The following ZNF566 variants were observed in gnomAD, a reference collection of about 807,000 sequenced individuals.
The protein encoded by ZNF566 is zinc finger protein 566.
Under a neutral mutation model 32.8 loss-of-function variants are expected in ZNF566, and 27 were observed. That is an observed-to-expected ratio of 0.82 (90% confidence interval 0.61 to 1.14). ZNF566 has a LOEUF of 1.14. ZNF566 is among the 50% of genes most tolerant of loss of function. ZNF566 has a pLI of 0.00. For synonymous variants in ZNF566, 154 were observed against 159.5 expected (o/e 0.97, Z 0.26); for missense variants, 402 against 490.4 (o/e 0.82, Z 1.70).
At chr19:36,455,443 T>C (rs2033276591) in intron 4 of ZNF566, among the ~76,000 whole-genome samples, 1 of 152,148 alleles carries the variant, frequency 6.6e-6, no homozygotes. Context: ...CTGTTAGAAG[T>C]AATAAATGTT....
At chr19:36,453,472 C>CAAATAAAT (rs918177874) in intron 4 of ZNF566, among the ~76,000 whole-genome samples, 4 of 143,090 alleles carry the variant, frequency 2.8e-5, no homozygotes, top group Admixed American at 7.2e-5. Context: ...GACTCTATCT[C>CAAATAAAT]AAATAAATAA....
At chr19:36,462,990 A>AAAAAAAAAAAAC (rs2033514622) in intron 4 of ZNF566, among the ~76,000 whole-genome samples, 1 of 137,036 alleles carries the variant, frequency 7.3e-6, no homozygotes, top group Non-Finnish European at 1.6e-5. Context: ...AAAAAAAAAA[A>AAAAAAAAAAAAC]TCCCATTTCC....
In ZNF566 at chr19:36,465,632, C is replaced by T. The variant is rs781666262; in HGVS notation, c.232+7279G>A. On this transcript the variant is annotated intron_variant, in intron 4 of 4. Transcript: ENST00000452939. Reference sequence around the variant, plus strand: ...GACTACAGGTGCCCGCCACCATGCCCGGCCAATTTTTTTTGTATTTTTAGT... The same window carrying T: ...GACTACAGGTGCCCGCCACCATGCCTGGCCAATTTTTTTTGTATTTTTAGT... Among the ~76,000 whole-genome samples the T allele has an allele frequency of 1.7e-4, 26 of 152,004 alleles. 1 individual carries two copies. The highest frequency in any genetic ancestry group is 3.4e-3 in the Middle Eastern group (1 of 292).
chr19:36,467,078 A>G (rs961251600), intron 4 of ZNF566, among the ~76,000 whole-genome samples: 8 of 151,208 alleles, frequency 5.3e-5, no homozygotes, highest in Non-Finnish European at 7.4e-5. Context: ...AAAAAAAAAA[A>G]AAAGAAAGAA....
intron 4 of ZNF566, among the ~76,000 whole-genome samples, chr19:36,454,572 C>A (rs1161331374): frequency 6.6e-6 from 1 of 151,878 alleles, no homozygotes; most frequent in East Asian, 1.9e-4. Context: ...AACAACAACA[C>A]AAAAGAAGAA....
At chr19:36,474,641 C>G (rs1377136805) in intron 2 of ZNF566, among the ~76,000 whole-genome samples, 1 of 152,106 alleles carries the variant, frequency 6.6e-6, no homozygotes, top group Non-Finnish European at 1.5e-5. Flanking sequence ...GCAGTGGCCT[C>G]TTGGAGTGGG....
In ZNF566 at chr19:36,448,921, TTC is replaced by T. The variant is rs2033062784; in HGVS notation, c.*54_*55del. ...CTAGAGGAATTATTAACAAGATAAA[TTC>T]TGTTTTGAGCCATAATTAAAAGCCT... On this transcript the variant is annotated 3_prime_UTR_variant, in exon 5 of 5. Coordinates refer to ENST00000452939, the MANE Select transcript of ZNF566 (RefSeq NM_001145344.1). 4 of 1,375,042 alleles carry T rather than the reference TTC, an allele frequency of 2.9e-6. No homozygotes were observed. Among genetic ancestry groups the T allele is most frequent in the Admixed American group, 2.6e-5 (1 of 38,742 alleles). The allele number at this position is 1,375,042 out of a possible 1,614,324, so 85.2% of individuals were successfully genotyped here.
chr19:36,471,845 T>C (rs547283481), intron 4 of ZNF566, among the ~76,000 whole-genome samples: 30 of 152,066 alleles, frequency 2.0e-4, no homozygotes, highest in Admixed American at 9.8e-4. Flanking sequence ...TGGGTACAAG[T>C]GATTCTCCTG....
intron 4 of ZNF566, among the ~76,000 whole-genome samples, chr19:36,467,661 C>T (rs982412830): frequency 9.4e-5 from 14 of 149,192 alleles, no homozygotes; most frequent in East Asian, 2.0e-4. Flanking sequence ...CTTGGTGGCA[C>T]GTGCTTGTAA....
intron 1 of ZNF566, among the ~76,000 whole-genome samples, chr19:36,480,282 T>A (rs1189351009): frequency 3.5e-5 from 5 of 142,152 alleles, no homozygotes; most frequent in African/African-American, 1.3e-4. Flanking sequence ...CATGCAATTT[T>A]TTTTTCTTTT....
Position 36,449,238 on chromosome 19 carries a change from G to T in ZNF566, c.996C>A (p.Ile332=). 1 of 1,613,306 alleles carries T rather than the reference G, an allele frequency of 6.2e-7. No individual in the cohort carries two copies. The highest frequency in any genetic ancestry group is 2.2e-5 in the East Asian group (1 of 44,794). The change falls in exon 5 of 5, where the codon ATC becomes ATA. Residue 332 remains isoleucine, a synonymous_variant. Transcript: ENST00000452939. ...ATTCGTAAGGTTTCTCACCTGTATG[G>T]ATTCTTTGATGTTTAATAAGTTGTG... is the stretch of plus-strand genomic sequence containing the variant. The part of the protein sequence containing the change: ...QSSQLIKHQR[I]HTGEKPYECK...
intron 1 of ZNF566, among the ~76,000 whole-genome samples, chr19:36,489,052 C>G (rs928102433): frequency 6.6e-6 from 1 of 152,116 alleles, no homozygotes; most frequent in African/African-American, 2.4e-5. Context: ...ACACCTGTAC[C>G]GGGTCACAGT....
intron 1 of ZNF566, among the ~76,000 whole-genome samples, chr19:36,487,643 CATGCCTGTA>C (rs1433285117): frequency 1.1e-4 from 17 of 152,160 alleles, no homozygotes; most frequent in African/African-American, 3.9e-4. Flanking sequence ...TGCACTGGCT[CATGCCTGTA>C]ATCCCAGCAC....
At chr19:36,462,501 C>T (rs942841929) in intron 4 of ZNF566, among the ~76,000 whole-genome samples, 1 of 151,950 alleles carries the variant, frequency 6.6e-6, no homozygotes, top group Non-Finnish European at 1.5e-5. Flanking sequence ...TAGGGGTTCA[C>T]TCCACGGCAA....
intron 4 of ZNF566, among the ~76,000 whole-genome samples, chr19:36,471,055 T>A (rs542874161): frequency 7.1e-6 from 1 of 140,694 alleles, no homozygotes; most frequent in African/African-American, 2.7e-5. Context: ...GAAAAAAAAA[T>A]ACAAAAAAAT....
chr19:36,448,464 A>C lies in ZNF566; in HGVS notation c.*513T>G, dbSNP rs1014593247. ...AGAAAGCCTTAATGTTATAAAGAAC[A>C]AAAAGAATAAGCCATCTTCAAAAAT... is the stretch of plus-strand genomic sequence containing the variant. On this transcript the variant is annotated 3_prime_UTR_variant, in exon 5 of 5. Transcript: ENST00000452939. 5.3e-5 allele frequency: 8 copies of C among 152,238 alleles called. No individual in the cohort carries two copies. The highest frequency in any genetic ancestry group is 1.9e-4 in the African/African-American group (8 of 41,454). 9.4% of individuals were successfully genotyped at this position (152,238 alleles called of 1,614,324 possible).
intron 2 of ZNF566, 117 bp downstream of exon 2, chr19:36,476,432 C>A: frequency 1.1e-6 from 1 of 921,094 alleles, no homozygotes. Context: ...CATAACCAAA[C>A]TTTTTGAAAG....
Position 36,448,210 on chromosome 19 carries a change from A to G in ZNF566, c.*767T>C, listed in dbSNP as rs1198793507. ...TTTGCATCTTTTATAAGGAAAATATATTCACACATTACTTCTGCAATTAAA... is the reference window on the plus strand; with the variant it reads ...TTTGCATCTTTTATAAGGAAAATATGTTCACACATTACTTCTGCAATTAAA... On this transcript the variant is annotated 3_prime_UTR_variant, in exon 5 of 5. Transcript: ENST00000452939. 6.6e-6 allele frequency: 1 copy of G among 152,196 alleles called. No individual in the cohort carries two copies. Among genetic ancestry groups the G allele is most frequent in the Non-Finnish European group, 1.5e-5 (1 of 68,006 alleles). The allele number at this position is 152,196 out of a possible 1,614,324, so 9.4% of individuals were successfully genotyped here. A position where few individuals can be genotyped will look rare whatever the true frequency, so the allele number is the denominator to read the frequency against.
chr19:36,481,642 G>C (rs1055937772), intron 1 of ZNF566, among the ~76,000 whole-genome samples: 3 of 152,132 alleles, frequency 2.0e-5, no homozygotes, highest in Non-Finnish European at 4.4e-5. Flanking sequence ...AACAGTTCTA[G>C]AGAGGAATTT....
Sources: gnomAD v4.1 joint callset for allele counts (sites outside exome capture counted in the v4.1 genomes callset) on GRCh38, gnomAD v4.1.1 for gene constraint, MANE v1.5 for transcripts, NCBI Gene and HGNC (gene_info 2026-07-23, HGNC 2026-07-21) for gene names.